PCDHA2: variants seen among roughly 807,000 people sequenced by gnomAD.
The protein encoded by PCDHA2 is protocadherin alpha-2.
Under a neutral mutation model 66.0 loss-of-function variants are expected in PCDHA2, and 58 were observed. That is an observed-to-expected ratio of 0.88 (90% confidence interval 0.71 to 1.09). The LOEUF is 1.09. Ranked by LOEUF, PCDHA2 falls within the 50% of genes least tolerant of loss-of-function variation. The probability of loss-of-function intolerance (pLI) is 0.00; values close to 1 mark genes in which losing one functional copy is unlikely to be tolerated. For missense variants in PCDHA2, 1,267 were observed against 1,242.3 expected, an observed-to-expected ratio of 1.02 and a Z score of -0.30; for synonymous variants, 634 against 554.0, an observed-to-expected ratio of 1.14 and a Z score of -2.03.
intron 1 of PCDHA2, chr5:140,807,106 C>A: frequency 2.1e-6 from 3 of 1,458,318 alleles, no homozygotes; most frequent in Non-Finnish European, 2.8e-6. Context: ...GAGGATGCAG[C>A]TGCACTTGAC....
chr5:140,905,304 C>T (rs1373391378), intron 1 of PCDHA2, among the ~76,000 whole-genome samples: 1 of 152,150 alleles, frequency 6.6e-6, no homozygotes, highest in Non-Finnish European at 1.5e-5. Flanking sequence ...GTCCTTTCCA[C>T]ACTTTGTGTT....
chr5:140,978,834 C>A (rs1294349430), intron 1 of PCDHA2, 115 bp from the exon 2 acceptor site: 3 of 1,546,580 alleles, frequency 1.9e-6, no homozygotes, highest in Non-Finnish European at 2.6e-6. Context: ...ATGGCTCATT[C>A]AATACTTTTT....
chr5:140,884,797 T>A, intron 1 of PCDHA2: 1 of 1,276,990 alleles, frequency 7.8e-7, no homozygotes, highest in Non-Finnish European at 1.1e-6. Flanking sequence ...TTATCGAATT[T>A]AACAACTCTG....
At chr5:141,006,276 A>T (rs2098265134) in intron 3 of PCDHA2, among the ~76,000 whole-genome samples, 1 of 151,894 alleles carries the variant, frequency 6.6e-6, no homozygotes, top group Admixed American at 6.6e-5. Context: ...CAGTGGCACG[A>T]TCTCAGCTCA....
chr5:140,848,256 A>T, intron 1 of PCDHA2: 1 of 476,798 alleles, frequency 2.1e-6, no homozygotes, highest in Admixed American at 3.8e-5. Context: ...ATAACTGTGA[A>T]ATTTTTATTC....
chr5:140,808,295 G>C, intron 1 of PCDHA2: 5 of 1,614,248 alleles, frequency 3.1e-6, no homozygotes, highest in Admixed American at 1.7e-5. Flanking sequence ...TACAGTCATC[G>C]CCCTGATCAG....
At chr5:140,823,284 G>A (rs1319808808) in intron 1 of PCDHA2, 1 of 1,612,332 alleles carries the variant, frequency 6.2e-7, no homozygotes, top group Admixed American at 1.7e-5. Context: ...AGCGCCCGCT[G>A]TCGAGTTACG....
intron 1 of PCDHA2, among the ~76,000 whole-genome samples, chr5:140,916,660 T>A (rs2077673786): frequency 6.6e-6 from 1 of 152,172 alleles, no homozygotes; most frequent in African/African-American, 2.4e-5. Flanking sequence ...GTATCCAAGA[T>A]GCAAGACAAA....
chr5:140,986,397 C>G (rs943993265), intron 3 of PCDHA2, among the ~76,000 whole-genome samples: 1 of 152,162 alleles, frequency 6.6e-6, no homozygotes. Context: ...AAGGGCCAGT[C>G]GCTCATGTTA....
chr5:140,875,610 C>T (rs1266412721), intron 1 of PCDHA2: 6 of 1,613,716 alleles, frequency 3.7e-6, no homozygotes, highest in African/African-American at 1.3e-5. Flanking sequence ...CCTTCGTGGG[C>T]CGCATCGCTC....
rs2150409017 is a variant in PCDHA2, at chr5:140,848,335, G to A, written c.2388+50983G>A. ...TGCCGCGATGTTCTCTCTGAATCCA[G>A]ACAAATACAGCCCTTTTCCCATGGG... On this transcript the variant is annotated intron_variant, in intron 1 of 3. Transcript: ENST00000526136. The A allele has an allele frequency of 1.4e-5, 12 of 865,274 alleles. 2 individuals carry two copies. The highest frequency in any genetic ancestry group is 2.2e-5 in the Non-Finnish European group (12 of 551,794). 53.6% of individuals were successfully genotyped at this position (865,274 alleles called of 1,614,324 possible). A position where few individuals can be genotyped will look rare whatever the true frequency, so the allele number is the denominator to read the frequency against.
rs782046976 is a variant in PCDHA2 at position 140,796,454 on chromosome 5, G to C, written c.1490G>C (p.Arg497Pro). The C allele has an allele frequency of 1.2e-6, 2 of 1,612,828 alleles. No homozygotes were observed. Among genetic ancestry groups the C allele is most frequent in the Admixed American group, 1.7e-5 (1 of 60,006 alleles). Residue 497 changes from arginine to proline, a missense_variant, in exon 1 of 4, where the codon CGG becomes CCG. Coordinates refer to ENST00000526136, the MANE Select transcript of PCDHA2 (RefSeq NM_018905.3). ...NALVSYSLVERRVGERALSSY... is the reference protein window; with the variant it reads ...NALVSYSLVEPRVGERALSSY... The stretch of plus-strand genomic sequence containing the variant: ...CTGGTGTCCTACTCGCTGGTGGAGC[G>C]GCGGGTGGGCGAGCGCGCGTTGTCG...
chr5:140,868,581 A>G (rs1554162109), intron 1 of PCDHA2: 1 of 152,846 alleles, frequency 6.5e-6, no homozygotes, highest in African/African-American at 2.4e-5. Flanking sequence ...ACTTTCAGGA[A>G]ATGTTTAACC....
chr5:140,810,151 T>C (rs1764605349), intron 1 of PCDHA2: 1 of 152,430 alleles, frequency 6.6e-6, no homozygotes, highest in Non-Finnish European at 1.5e-5. Context: ...GTTTATGAAA[T>C]TATCCATGTT....
In PCDHA2 at chr5:140,949,770, T is replaced by C. The variant is rs955982016; in HGVS notation, c.2389-29179T>C. On this transcript the variant is annotated intron_variant, in intron 1 of 3. Coordinates refer to ENST00000526136, the MANE Select transcript of PCDHA2 (RefSeq NM_018905.3). ...TTAGCCCATTCACATTAGTGTAATA[T>C]TTGATATGTTTAGATTTGTGTCCTT... Among the ~76,000 whole-genome samples, 3 of 152,026 alleles carry C rather than the reference T, an allele frequency of 2.0e-5. 1 individual carries two copies. The highest frequency in any genetic ancestry group is 6.8e-3 in the Middle Eastern group (2 of 294).
At chr5:140,957,780 G>A (rs2095383354) in intron 1 of PCDHA2, among the ~76,000 whole-genome samples, 1 of 152,020 alleles carries the variant, frequency 6.6e-6, no homozygotes, top group Non-Finnish European at 1.5e-5. Context: ...TAAAAACTAA[G>A]TTCATCATAT....
intron 1 of PCDHA2, chr5:140,807,126 A>T: frequency 6.4e-7 from 1 of 1,551,116 alleles, no homozygotes; most frequent in Non-Finnish European, 8.7e-7. Context: ...CTGACCGATT[A>T]AAAGATTTCC....
chr5:140,876,231 A>C (rs1428769390), intron 1 of PCDHA2: 4 of 1,614,004 alleles, frequency 2.5e-6, no homozygotes, highest in Non-Finnish European at 3.4e-6. Flanking sequence ...TGTTGTCTGA[A>C]AATGTCCAAA....
intron 1 of PCDHA2, among the ~76,000 whole-genome samples, chr5:140,939,008 T>C (rs1348323675): frequency 6.6e-6 from 1 of 152,234 alleles, no homozygotes; most frequent in Non-Finnish European, 1.5e-5. Context: ...TTAAGAAGTG[T>C]TACTTTTCTT....
Sources: gnomAD v4.1 joint callset for allele counts (sites outside exome capture counted in the v4.1 genomes callset) on GRCh38, gnomAD v4.1.1 for gene constraint, MANE v1.5 for transcripts, NCBI Gene and HGNC (gene_info 2026-07-23, HGNC 2026-07-21) for gene names.